Variants in DSCAM observed in about 807,000 individuals in gnomAD.
The protein encoded by DSCAM is DS cell adhesion molecule.
In DSCAM, 47 loss-of-function variants were observed where a neutral mutation model predicts 217.7. The observed-to-expected ratio is 0.22, with a 90% CI of 0.17 to 0.28. The LOEUF (loss-of-function observed/expected upper bound fraction) is 0.28. Among genes scored for constraint, DSCAM ranks in the 10% least tolerant of loss-of-function variants. The pLI, the probability that DSCAM is intolerant of heterozygous loss-of-function variation, is 1.00. For missense variants in DSCAM, 2,080 were observed against 2,618.3 expected, an observed-to-expected ratio of 0.79 and a Z score of 4.49; for synonymous variants, 1,056 against 1,015.3, an observed-to-expected ratio of 1.04 and a Z score of -0.76.
chr21:40,523,504 G>T (rs1031438176), intron 3 of DSCAM, among the ~76,000 whole-genome samples: 1 of 152,094 alleles, frequency 6.6e-6, no homozygotes, highest in East Asian at 1.9e-4. Context: ...GCAGAGTTTC[G>T]GGGAGGCAGA....
At chr21:40,091,988 C>G (rs1368355359) in intron 21 of DSCAM, among the ~76,000 whole-genome samples, 2 of 152,194 alleles carry the variant, frequency 1.3e-5, no homozygotes, top group African/African-American at 4.8e-5. Context: ...CACTGACTGG[C>G]TCCCCACCAA....
At chr21:40,087,362 A>G in intron 21 of DSCAM, 75 bp from the exon 22 acceptor site, 2 of 1,060,852 alleles carry the variant, frequency 1.9e-6, no homozygotes, top group Admixed American at 1.7e-5. Context: ...GACCTACTCA[A>G]TAAGGGCAAT....
At chr21:40,771,123 T>C (rs891878861) in intron 1 of DSCAM, among the ~76,000 whole-genome samples, 12 of 152,116 alleles carry the variant, frequency 7.9e-5, no homozygotes, top group African/African-American at 2.9e-4. Flanking sequence ...AGTTGGGCAG[T>C]GTAAAGAGCT....
chr21:40,544,847 A>G (rs1295023670), intron 3 of DSCAM, among the ~76,000 whole-genome samples: 1 of 152,136 alleles, frequency 6.6e-6, no homozygotes, highest in East Asian at 1.9e-4. Flanking sequence ...AGTCAAATTG[A>G]ACTTGCGTCA....
intron 3 of DSCAM, among the ~76,000 whole-genome samples, chr21:40,455,775 CAAACA>C (rs1191822679): frequency 1.3e-5 from 2 of 149,276 alleles, no homozygotes; most frequent in Non-Finnish European, 3.0e-5. Flanking sequence ...TCTCAAAAAA[CAAACA>C]AAACAAAACA....
intron 3 of DSCAM, among the ~76,000 whole-genome samples, chr21:40,532,796 G>C (rs2076458145): frequency 6.6e-6 from 1 of 152,106 alleles, no homozygotes; most frequent in African/African-American, 2.4e-5. Context: ...CTTGGGGTTA[G>C]AGAAACCTGC....
At chr21:40,225,581 AT>A (rs2091325359) in intron 11 of DSCAM, among the ~76,000 whole-genome samples, 1 of 152,080 alleles carries the variant, frequency 6.6e-6, no homozygotes, top group African/African-American at 2.4e-5. Context: ...GCCCTCCTGG[AT>A]CCCTCATCCA....
At chr21:40,784,663 T>C (rs1391730980) in intron 1 of DSCAM, among the ~76,000 whole-genome samples, 1 of 152,184 alleles carries the variant, frequency 6.6e-6, no homozygotes, top group African/African-American at 2.4e-5. Flanking sequence ...GGTGATTAAT[T>C]CATGGAAGCC....
chr21:40,375,238 ACT>A (rs946779918), intron 3 of DSCAM, among the ~76,000 whole-genome samples: 2 of 152,034 alleles, frequency 1.3e-5, no homozygotes, highest in African/African-American at 4.8e-5. Context: ...TAGCTTTCAA[ACT>A]CTCTGTGTCC....
chr21:40,084,901 G>T (rs138227693), intron 23 of DSCAM, among the ~76,000 whole-genome samples: 1 of 150,770 alleles, frequency 6.6e-6, no homozygotes, highest in Non-Finnish European at 1.5e-5. Flanking sequence ...CCATCCCACC[G>T]AGAACAGTAT....
chr21:40,182,558 G>T (rs1408560732), intron 14 of DSCAM, among the ~76,000 whole-genome samples: 2 of 150,974 alleles, frequency 1.3e-5, no homozygotes, highest in African/African-American at 2.4e-5. Flanking sequence ...CCGTGGACAG[G>T]AGGGAGGTAC....
At position 40,146,756 on chromosome 21, in the gene DSCAM, A is replaced by C. The variant is rs573738240; in HGVS notation, c.3019-2025T>G. Among the ~76,000 whole-genome samples, 3 of 152,328 alleles carry C rather than the reference A, an allele frequency of 2.0e-5. No individual in the cohort carries two copies. In the South Asian group the frequency reaches 6.2e-4, roughly 32 times the overall value. On this transcript the variant is annotated intron_variant, in intron 16 of 32. Transcript: ENST00000400454. The stretch of plus-strand genomic sequence containing the variant: ...GAGTTAGACCCTGGTGGAAGAGCTC[A>C]TACCTTTTTTATTATAAACAAATGT...
intron 3 of DSCAM, among the ~76,000 whole-genome samples, chr21:40,468,335 T>A (rs1354642201): frequency 6.6e-6 from 1 of 152,180 alleles, no homozygotes; most frequent in African/African-American, 2.4e-5. Context: ...GAGATACTTT[T>A]TGGTTTGTAA....
At chr21:40,068,811 C>T (rs753612888) in intron 27 of DSCAM, among the ~76,000 whole-genome samples, 10 of 152,110 alleles carry the variant, frequency 6.6e-5, no homozygotes, top group South Asian at 2.1e-4. Context: ...GATGGCTGGA[C>T]GCAGTGGCTC....
chr21:40,733,689 G>A (rs1455973609), intron 1 of DSCAM, among the ~76,000 whole-genome samples: 6 of 152,202 alleles, frequency 3.9e-5, no homozygotes, highest in Admixed American at 6.5e-5. Context: ...AAAGTGACAC[G>A]CCTCCTTTTC....
rs559694878 is a variant in DSCAM, at chr21:40,317,678, C to T, written c.1784-5319G>A. Among the ~76,000 whole-genome samples, 715 of 152,154 alleles carry T rather than the reference C, an allele frequency of 4.7e-3. 5 individuals carry two copies. The highest frequency in any genetic ancestry group is 6.7e-3 in the Non-Finnish European group (457 of 68,002). ...CCAAGTAGCTGGGATTACAGGCACACGCCACTAGGCTTGGCTAATTTTTTT... is the reference window on the plus strand; with the variant it reads ...CCAAGTAGCTGGGATTACAGGCACATGCCACTAGGCTTGGCTAATTTTTTT... On this transcript the variant is annotated intron_variant, in intron 8 of 32. Coordinates refer to ENST00000400454, the MANE Select transcript of DSCAM (RefSeq NM_001389.5).
chr21:40,602,360 C>G (rs2077069017), intron 3 of DSCAM, among the ~76,000 whole-genome samples: 1 of 152,146 alleles, frequency 6.6e-6, no homozygotes, highest in Admixed American at 6.5e-5. Flanking sequence ...AACGTCAGCT[C>G]AGCTTTTATT....
intron 9 of DSCAM, among the ~76,000 whole-genome samples, chr21:40,308,840 A>C (rs1350464718): frequency 6.6e-6 from 1 of 152,048 alleles, no homozygotes; most frequent in South Asian, 2.1e-4. Context: ...TTGTTTTTCC[A>C]CTTCTTTGAC....
At chr21:40,682,568 T>A (rs1329101339) in intron 3 of DSCAM, among the ~76,000 whole-genome samples, 28 of 44,930 alleles carry the variant, frequency 6.2e-4, no homozygotes, top group South Asian at 1.7e-3. Flanking sequence ...AGGAAGAAAA[T>A]AAAGGTAGAA....
Sources: gnomAD v4.1 joint callset for allele counts (sites outside exome capture counted in the v4.1 genomes callset) on GRCh38, gnomAD v4.1.1 for gene constraint, MANE v1.5 for transcripts, NCBI Gene and HGNC (gene_info 2026-07-23, HGNC 2026-07-21) for gene names.